The following DYRK4 variants were observed in gnomAD, a reference collection of about 807,000 sequenced individuals.
DYRK4 encodes the protein dual specificity tyrosine-phosphorylation-regulated kinase 4.
DYRK4 carries 64 observed loss-of-function variants against 68.3 expected under a neutral mutation model. The ratio of observed to expected loss-of-function variants is 0.94; its 90% CI spans 0.77 to 1.15. DYRK4 has a LOEUF of 1.15. DYRK4 is among the 50% of genes most tolerant of loss of function. The pLI, the probability that DYRK4 is intolerant of heterozygous loss-of-function variation, is 0.00. For synonymous variants in DYRK4, 274 were observed against 289.9 expected (o/e 0.95, Z 0.56); for missense variants, 740 against 764.7 (o/e 0.97, Z 0.38).
chr12:4,599,631 A>C, intron 9 of DYRK4, 76 bp from the exon 10 acceptor site: 6 of 1,093,402 alleles, frequency 5.5e-6, no homozygotes, highest in Non-Finnish European at 8.2e-6. Flanking sequence ...GCCCTGAAGG[A>C]TGAGGAGCAT....
Position 4,613,616 on chromosome 12 carries a change from A to G in DYRK4, c.1768A>G (p.Thr590Ala). The G allele has an allele frequency of 6.2e-7, 1 of 1,614,152 alleles. No individual in the cohort carries two copies. Among genetic ancestry groups the G allele is most frequent in the Non-Finnish European group, 8.5e-7 (1 of 1,180,006 alleles). The change falls in exon 15 of 15, where the codon ACT becomes GCT. Residue 590 changes from threonine (T) to alanine (A), a missense_variant. Physicochemically the swap from Thr to Ala is moderately conservative, Grantham distance 58. Coordinates refer to ENST00000543431, the MANE Select transcript of DYRK4 (RefSeq NM_001394779.1). This position sits in a 1 kb window ranked among gnomAD's most constrained non-coding sequence, Gnocchi z 4.0. ...QQDCLQHGAD[T>A]VQLPQLVDAP... ...GGACTGTCTCCAGCACGGAGCTGAC[A>G]CTGTTCAGCTGCCTCAACTGGTAGA...
At chr12:4,585,440 A>G (rs1245896857) in intron 2 of DYRK4, among the ~76,000 whole-genome samples, 1 of 152,226 alleles carries the variant, frequency 6.6e-6, no homozygotes, top group African/African-American at 2.4e-5. Context: ...ATGGTATACT[A>G]TGCAGCCATA....
At chr12:4,605,116 C>G (rs751567429) in intron 11 of DYRK4, 30 bp downstream of exon 11, 2 of 1,598,546 alleles carry the variant, frequency 1.3e-6, no homozygotes, top group Admixed American at 1.7e-5. Flanking sequence ...TCGGCTCCCA[C>G]GGAGACCGTG....
chr12:4,576,439 A>T (rs1354987902), intron 2 of DYRK4, among the ~76,000 whole-genome samples: 1 of 152,274 alleles, frequency 6.6e-6, no homozygotes, highest in East Asian at 1.9e-4. Context: ...GTTGTTTCCA[A>T]TTTTTTAGCA....
At chr12:4,596,929 C>T (rs534727235) in intron 8 of DYRK4, 200 bp downstream of exon 8, 4 of 1,424,832 alleles carry the variant, frequency 2.8e-6, no homozygotes, top group African/African-American at 1.4e-5. Context: ...TGTCACCTGC[C>T]AGCATACCCA....
At chr12:4,605,216 T>A in intron 11 of DYRK4, 130 bp downstream of exon 11, 1 of 758,750 alleles carries the variant, frequency 1.3e-6, no homozygotes, top group South Asian at 2.1e-5. Flanking sequence ...GAGTATTCCC[T>A]AAAAGGAGTT....
chr12:4,571,261 A>C (rs562923399), intron 2 of DYRK4, among the ~76,000 whole-genome samples: 1 of 152,374 alleles, frequency 6.6e-6, no homozygotes, highest in African/African-American at 2.4e-5. Context: ...ATCATACTGA[A>C]GACACATTTC....
intron 2 of DYRK4, among the ~76,000 whole-genome samples, chr12:4,577,528 C>A (rs540832257): frequency 1.3e-5 from 2 of 152,214 alleles, no homozygotes; most frequent in African/African-American, 4.8e-5. Flanking sequence ...CTGTCTTGAT[C>A]GCTGTAGCTT....
intron 3 of DYRK4, 120 bp from the exon 4 acceptor site, chr12:4,590,210 C>A: frequency 7.0e-7 from 1 of 1,423,294 alleles, no homozygotes; most frequent in Non-Finnish European, 9.1e-7. Context: ...AGGTTTAGGT[C>A]CAGATTGGGG....
intron 2 of DYRK4, among the ~76,000 whole-genome samples, chr12:4,582,497 T>C (rs562573981): frequency 1.4e-4 from 22 of 152,306 alleles, no homozygotes; most frequent in African/African-American, 5.1e-4. Context: ...AAGAGTCTTA[T>C]ATACCAGAAG....
At position 4,607,422 on chromosome 12, in the gene DYRK4, C is replaced by T. The variant is rs759273652; in HGVS notation, c.1360+35C>T. 5 of 1,604,226 alleles carry T rather than the reference C, an allele frequency of 3.1e-6. No homozygotes were observed. The East Asian group carries it at 6.7e-5, about 22-fold the overall frequency. On this transcript the variant is annotated intron_variant, in intron 12 of 14. Coordinates refer to ENST00000543431, the MANE Select transcript of DYRK4 (RefSeq NM_001394779.1). ...AGTGTGTCTCATGAGGTGTCACAGGCCTTGAAGACACCTGCCATACCTTAA... is the reference window on the plus strand; with the variant it reads ...AGTGTGTCTCATGAGGTGTCACAGGTCTTGAAGACACCTGCCATACCTTAA...
chr12:4,568,718 G>A (rs560879576), intron 2 of DYRK4, among the ~76,000 whole-genome samples: 3 of 152,304 alleles, frequency 2.0e-5, no homozygotes, highest in Non-Finnish European at 4.4e-5. Context: ...CAGACATGGT[G>A]TCTTTCCTTT....
chr12:4,605,158 ACT>A (rs1262835265), intron 11 of DYRK4, 72 bp downstream of exon 11: 133 of 1,412,552 alleles, frequency 9.4e-5, no homozygotes, highest in Non-Finnish European at 1.2e-4. Context: ...GCTGCACCAG[ACT>A]CGCCCAGGAC....
At chr12:4,608,838 A>G (rs898290781) in intron 12 of DYRK4, among the ~76,000 whole-genome samples, 2 of 152,220 alleles carry the variant, frequency 1.3e-5, no homozygotes, top group Non-Finnish European at 2.9e-5. Flanking sequence ...TTGCCATAGA[A>G]TGGTGACCAC....
At chr12:4,582,988 G>A (rs185896315) in intron 2 of DYRK4, among the ~76,000 whole-genome samples, 35 of 152,298 alleles carry the variant, frequency 2.3e-4, no homozygotes, top group African/African-American at 7.5e-4. Context: ...GATGGAATGC[G>A]GAGAGGCAGG....
At position 4,591,621 on chromosome 12, in the gene DYRK4, G is replaced by A; in HGVS notation, c.463+323G>A. ...CATTTTATGGACCCAGGGGCCAGCG[G>A]GAAGGCACTGAGAGAGTGGAAGAGC... On this transcript the variant is annotated intron_variant, in intron 5 of 14. Transcript: ENST00000543431. The surrounding 1 kb of genome is among the most constrained non-coding windows in gnomAD (Gnocchi z 4.1). The A allele has an allele frequency of 3.5e-6, 1 of 285,690 alleles. No homozygotes were observed. Among genetic ancestry groups the A allele is most frequent in the Non-Finnish European group, 6.6e-6 (1 of 152,448 alleles). 17.7% of individuals were successfully genotyped at this position (285,690 alleles called of 1,614,324 possible).
At chr12:4,562,957 T>C in intron 1 of DYRK4, 1 of 400,538 alleles carries the variant, frequency 2.5e-6, no homozygotes, top group South Asian at 1.8e-5. Flanking sequence ...GCATTTGAAA[T>C]GTCCAGCAGC....
chr12:4,608,394 A>G lies in DYRK4; in HGVS notation c.1360+1007A>G, dbSNP rs557075557. On this transcript the variant is annotated intron_variant, in intron 12 of 14. Coordinates refer to ENST00000543431, the MANE Select transcript of DYRK4 (RefSeq NM_001394779.1). ...AACTGCGAGCAGCTTCTGAATATGT[A>G]TGCAAATCACACAATTTCTGTTCAC... Among the ~76,000 whole-genome samples, 18 of 152,308 alleles carry G rather than the reference A, an allele frequency of 1.2e-4. No individual in the cohort carries two copies. The South Asian group carries it at 3.1e-3, about 26-fold the overall frequency.
intron 6 of DYRK4, among the ~76,000 whole-genome samples, chr12:4,594,038 A>T (rs1944988516): frequency 6.6e-6 from 1 of 152,084 alleles, no homozygotes; most frequent in African/African-American, 2.4e-5. Context: ...TGATGCTTGG[A>T]CCACACTTTG....
Sources: gnomAD v4.1 joint callset for allele counts (sites outside exome capture counted in the v4.1 genomes callset) on GRCh38, gnomAD v4.1.1 for gene constraint, Gnocchi (gnomAD v3.1) non-coding constraint, MANE v1.5 for transcripts, NCBI Gene and HGNC (gene_info 2026-07-23, HGNC 2026-07-21) for gene names.